The following RBPJ variants were observed in gnomAD, a reference collection of about 807,000 sequenced individuals.
RBPJ encodes recombining binding protein suppressor of hairless.
RBPJ carries 9 observed loss-of-function variants against 67.8 expected under a neutral mutation model. That is an observed-to-expected ratio of 0.13 (90% CI 0.08 to 0.23). RBPJ has a LOEUF of 0.23. RBPJ is among the 10% of genes least tolerant of loss of function. The probability of loss-of-function intolerance (pLI) is 1.00; values close to 1 mark genes in which losing one functional copy is unlikely to be tolerated. For missense variants in RBPJ, 305 were observed against 595.6 expected (o/e 0.51, Z 5.08); for synonymous variants, 198 against 203.3 (o/e 0.97, Z 0.22).
chr4:26,170,740 T>C (rs1716547687), intron 1 of RBPJ, among the ~76,000 whole-genome samples: 1 of 152,216 alleles, frequency 6.6e-6, no homozygotes, highest in African/African-American at 2.4e-5. Context: ...TTAAATGATA[T>C]TGGCTCTCAT....
At chr4:26,119,900 T>A in the RBPJ span, among the ~76,000 whole-genome samples, 47 of 152,348 alleles carry the variant, frequency 3.1e-4, no homozygotes, top group Non-Finnish European at 5.3e-4. Flanking sequence ...ATGTTTGGGA[T>A]CATAAGACCC....
chr4:26,243,280 A>G (rs1228013573), intron 1 of RBPJ, among the ~76,000 whole-genome samples: 2 of 152,206 alleles, frequency 1.3e-5, no homozygotes, highest in Non-Finnish European at 2.9e-5. Context: ...CAACTGACAA[A>G]CTATTGTTAT....
intron 1 of RBPJ, among the ~76,000 whole-genome samples, chr4:26,356,432 T>C (rs1449393385): frequency 2.6e-5 from 4 of 152,116 alleles, no homozygotes; most frequent in African/African-American, 7.2e-5. Flanking sequence ...TCCTGTCTGT[T>C]TGTAACCCAT....
chr4:26,270,417 GAAAGAAAGAAAGAAAGAAAGAAGA>G (rs1345790669), intron 1 of RBPJ, among the ~76,000 whole-genome samples: 550 of 54,624 alleles, frequency 0.01, 47 homozygotes, highest in African/African-American at 0.023. Flanking sequence ...AAGAAAGAAA[GAAAGAAAGAAAGAAAGAAAGAAGA>G]AAGAAAGAAA....
chr4:26,270,435 AAG>A lies in RBPJ; in HGVS notation c.-166-92009_-166-92008del, dbSNP rs199710419. 7.4e-3 allele frequency among the ~76,000 whole-genome samples: 414 copies of A among 55,840 alleles called. 67 individuals are homozygous for A. Among genetic ancestry groups the A allele is most frequent in the African/African-American group, 0.021 (398 of 19,336 alleles). The allele number at this position is 55,840 out of a possible 152,430, so 36.6% of individuals were successfully genotyped here. A position where few individuals can be genotyped will look rare whatever the true frequency, so the allele number is the denominator to read the frequency against. On this transcript the variant is annotated intron_variant, in intron 1 of 4. Transcript: ENST00000512351. ...AAAGAAAGAAAGAAAGAAAGAAAGAAAGAAGAAAGAAAGAAAGAAAGAAAAGA... is the reference window on the plus strand; with the variant it reads ...AAAGAAAGAAAGAAAGAAAGAAAGAAAAGAAAGAAAGAAAGAAAGAAAAGA...
chr4:26,233,803 T>C (rs181003990), intron 1 of RBPJ, among the ~76,000 whole-genome samples: 31 of 152,306 alleles, frequency 2.0e-4, no homozygotes, highest in African/African-American at 7.2e-4. Context: ...AAGTGTCTCT[T>C]TTTGCAAAAA....
chr4:26,325,916 A>G (rs1173081643), intron 1 of RBPJ, among the ~76,000 whole-genome samples: 1 of 152,230 alleles, frequency 6.6e-6, no homozygotes, highest in Non-Finnish European at 1.5e-5. Context: ...TGTATATTTA[A>G]TACAGTATTA....
chr4:26,321,982 C>T (rs1051039959), intron 1 of RBPJ: 4 of 151,986 alleles, frequency 2.6e-5, no homozygotes, highest in African/African-American at 4.8e-5. Flanking sequence ...CCACCCCTTT[C>T]TCTCGGGATT....
chr4:26,429,955 A>G lies in RBPJ; in HGVS notation c.946A>G (p.Thr316Ala). ...GATGATAAATGATGGCGCTTCCTGG[A>G]CAATCATTAGCACAGATAAGGCAGA... ...KEMINDGASW[T>A]IISTDKAEYT... The change falls in exon 9 of 11, where the codon ACA (threonine) becomes GCA (alanine). Residue 316 changes from threonine (T) to alanine (A), a missense_variant. By Grantham distance (58) the Thr-to-Ala change is moderately conservative. Transcript: ENST00000355476. 1.2e-6 allele frequency: 2 copies of G among 1,613,882 alleles called. No individual in the cohort carries two copies. Among genetic ancestry groups the G allele is most frequent in the Non-Finnish European group, 1.7e-6 (2 of 1,179,898 alleles).
chr4:26,106,026 T>G, the RBPJ span, among the ~76,000 whole-genome samples: 6 of 152,328 alleles, frequency 3.9e-5, no homozygotes, highest in East Asian at 1.2e-3. Flanking sequence ...AATAATAGCC[T>G]GATTATGAGT....
chr4:26,435,026 T>A (rs1210146076), downstream of RBPJ: 1 of 152,236 alleles, frequency 6.6e-6, no homozygotes, highest in Non-Finnish European at 1.5e-5. Flanking sequence ...GTATTTACAA[T>A]CTTACCATGT....
intron 1 of RBPJ, among the ~76,000 whole-genome samples, chr4:26,265,305 G>A (rs1252721482): frequency 2.0e-5 from 3 of 152,122 alleles, no homozygotes; most frequent in East Asian, 1.9e-4. Flanking sequence ...GAGGCCGGCC[G>A]ATCATTTGAG....
At chr4:26,381,998 A>G (rs975340296) in intron 1 of RBPJ, among the ~76,000 whole-genome samples, 17 of 152,154 alleles carry the variant, frequency 1.1e-4, no homozygotes. Flanking sequence ...GAATTAACTC[A>G]TTTCATGGAG....
At chr4:26,122,022 G>GCA in the RBPJ span, among the ~76,000 whole-genome samples, 1 of 151,674 alleles carries the variant, frequency 6.6e-6, no homozygotes, top group African/African-American at 2.4e-5. Flanking sequence ...ATTCTCCTAT[G>GCA]CACATGATCG....
chr4:26,231,047 T>G (rs1719264638), intron 1 of RBPJ, among the ~76,000 whole-genome samples: 1 of 152,170 alleles, frequency 6.6e-6, no homozygotes. Flanking sequence ...GCAAAAGTGA[T>G]GGATTCTGAA....
Position 26,434,070 on chromosome 4 carries a change from A to G in RBPJ, c.*3063A>G, listed in dbSNP as rs1736467811. The G allele has an allele frequency of 6.6e-6, 1 of 152,244 alleles. No individual in the cohort carries two copies. The highest frequency in any genetic ancestry group is 1.5e-5 in the Non-Finnish European group (1 of 68,038). The allele number at this position is 152,244 out of a possible 1,614,324, so 9.4% of individuals were successfully genotyped here. On this transcript the variant is annotated 3_prime_UTR_variant, in exon 11 of 11. Transcript: ENST00000355476. Reference sequence around the variant, plus strand: ...AATTTATCACATAGATTGGGAAGGCAAGCTAAAAGCCTTAAAAATGCCCTT... The same window carrying G: ...AATTTATCACATAGATTGGGAAGGCGAGCTAAAAGCCTTAAAAATGCCCTT...
chr4:26,270,536 A>T (rs1405008115), intron 1 of RBPJ, among the ~76,000 whole-genome samples: 1 of 152,096 alleles, frequency 6.6e-6, no homozygotes, highest in Non-Finnish European at 1.5e-5. Context: ...ACTGGTTACA[A>T]TGCCAACTCC....
Position 26,410,686 on chromosome 4 carries a change from T to C in RBPJ, c.155+4416T>C, listed in dbSNP as rs537309566. ...AAGGTTAGTGATGATTCTGCAAAGG[T>C]AGCAAGATAATGCAAATATCATGAG... On this transcript the variant is annotated intron_variant, in intron 3 of 10. Transcript: ENST00000355476. 2.0e-5 allele frequency among the ~76,000 whole-genome samples: 3 copies of C among 152,328 alleles called. 1 individual carries two copies. The South Asian group carries it at 6.2e-4, about 32-fold the overall frequency.
chr4:26,222,657 T>TATATATATAC (rs1553850671), intron 1 of RBPJ, among the ~76,000 whole-genome samples: 1 of 146,100 alleles, frequency 6.8e-6, no homozygotes, highest in African/African-American at 2.5e-5. Flanking sequence ...TATATATATA[T>TATATATATAC]ACCTATTATG....
Sources: allele counts gnomAD v4.1 joint callset (sites outside exome capture counted in the v4.1 genomes callset), GRCh38; gene constraint gnomAD v4.1.1; transcripts MANE v1.5; gene names NCBI Gene and HGNC (gene_info 2026-07-23, HGNC 2026-07-21).